PLCL2: variants seen among roughly 807,000 people sequenced by gnomAD.
PLCL2 encodes inactive phospholipase C-like protein 2.
PLCL2 carries 4 observed loss-of-function variants against 79.6 expected under a neutral mutation model. The observed-to-expected ratio is 0.05, with a 90% CI of 0.02 to 0.11. PLCL2 has a LOEUF of 0.11. Among genes scored for constraint, PLCL2 ranks in the 10% least tolerant of loss-of-function variants. The probability of loss-of-function intolerance (pLI) is 1.00; values close to 1 mark genes in which losing one functional copy is unlikely to be tolerated. For synonymous variants in PLCL2, 484 were observed against 457.7 expected, an observed-to-expected ratio of 1.06 and a Z score of -0.73; for missense variants, 895 against 1,291.0, an observed-to-expected ratio of 0.69 and a Z score of 4.70.
intron 1 of PLCL2, among the ~76,000 whole-genome samples, chr3:16,910,500 G>C (rs1249686740): frequency 6.6e-6 from 1 of 152,018 alleles, no homozygotes; most frequent in Non-Finnish European, 1.5e-5. Context: ...TCACGCATCA[G>C]TCTTTTCAGT....
chr3:17,044,941 T>C (rs1316712540), intron 4 of PLCL2, among the ~76,000 whole-genome samples: 1 of 152,202 alleles, frequency 6.6e-6, no homozygotes, highest in East Asian at 1.9e-4. Context: ...ATAACCACTG[T>C]GTAATGGTTC....
chr3:16,962,033 T>G (rs888294557), intron 1 of PLCL2, among the ~76,000 whole-genome samples: 2 of 152,024 alleles, frequency 1.3e-5, no homozygotes, highest in Non-Finnish European at 2.9e-5. Flanking sequence ...GAATGGCAGT[T>G]GAAAGATCCA....
rs2064739722 is a variant in PLCL2 at position 17,042,864 on chromosome 3, C to G, written c.3019-10C>G. On this transcript the variant is annotated splice_polypyrimidine_tract_variant and intron_variant, in intron 3 of 5. Transcript: ENST00000615277. ...AGGTGTAATCTCATGTCTGGATGTT[C>G]CCTTTGCAGATGATTCAGTCCCTCA... 5 of 1,596,628 alleles carry G rather than the reference C, an allele frequency of 3.1e-6. No individual in the cohort carries two copies. Among genetic ancestry groups the G allele is most frequent in the Non-Finnish European group, 4.3e-6 (5 of 1,164,546 alleles).
At chr3:16,969,840 T>C (rs1230632664) in intron 1 of PLCL2, among the ~76,000 whole-genome samples, 1 of 151,926 alleles carries the variant, frequency 6.6e-6, no homozygotes, top group Non-Finnish European at 1.5e-5. Flanking sequence ...GGTTGTTCAT[T>C]TGAGATCCTT....
At chr3:17,001,902 G>T (rs1459819783) in intron 1 of PLCL2, among the ~76,000 whole-genome samples, 1 of 151,824 alleles carries the variant, frequency 6.6e-6, no homozygotes, top group Non-Finnish European at 1.5e-5. Flanking sequence ...GAATGTCATT[G>T]ATAAGTATTG....
intron 1 of PLCL2, among the ~76,000 whole-genome samples, chr3:16,968,930 CT>C (rs1465969235): frequency 1.3e-5 from 2 of 151,930 alleles, no homozygotes; most frequent in Non-Finnish European, 2.9e-5. Context: ...CTTTCAAAGC[CT>C]AGTTTATGGA....
chr3:16,946,217 G>T (rs1310464065), intron 1 of PLCL2, among the ~76,000 whole-genome samples: 4 of 152,096 alleles, frequency 2.6e-5, no homozygotes, highest in Non-Finnish European at 5.9e-5. Context: ...TAAATAGCGG[G>T]AAATGAGAAG....
At chr3:16,976,658 C>T (rs534305894) in intron 1 of PLCL2, among the ~76,000 whole-genome samples, 3 of 152,324 alleles carry the variant, frequency 2.0e-5, no homozygotes, top group East Asian at 1.9e-4. Flanking sequence ...ATCACAACAA[C>T]GCCCATGGAA....
chr3:16,923,271 G>A (rs1697166049), intron 1 of PLCL2, among the ~76,000 whole-genome samples: 1 of 152,168 alleles, frequency 6.6e-6, no homozygotes, highest in African/African-American at 2.4e-5. Flanking sequence ...TGGAGGTGGG[G>A]GCAGGCAGCT....
At chr3:17,043,366 C>G (rs545499197) in intron 4 of PLCL2, among the ~76,000 whole-genome samples, 18 of 152,214 alleles carry the variant, frequency 1.2e-4, no homozygotes, top group African/African-American at 3.1e-4. Flanking sequence ...AGATGGATTC[C>G]AGTTACAACC....
At chr3:16,934,420 GAACACCAGC>G (rs1429515924) in intron 1 of PLCL2, among the ~76,000 whole-genome samples, 1 of 152,152 alleles carries the variant, frequency 6.6e-6, no homozygotes, top group Admixed American at 6.5e-5. Context: ...CTAGGAGAGG[GAACACCAGC>G]ATGCCCAGAG....
intron 1 of PLCL2, among the ~76,000 whole-genome samples, chr3:16,918,916 G>T (rs1697059440): frequency 6.6e-6 from 1 of 152,080 alleles, no homozygotes; most frequent in South Asian, 2.1e-4. Context: ...CTTTACACTT[G>T]ACAGCATGTA....
intron 5 of PLCL2, among the ~76,000 whole-genome samples, chr3:17,073,597 C>G (rs2065081868): frequency 6.6e-6 from 1 of 152,180 alleles, no homozygotes; most frequent in South Asian, 2.1e-4. Context: ...GCGTGCAATG[C>G]TGTTCAGTAG....
rs745837167 is a variant in PLCL2, at chr3:17,011,916, G to A, written c.2570G>A (p.Arg857His). 10 of 1,614,168 alleles carry A rather than the reference G, an allele frequency of 6.2e-6. No homozygotes were observed. Among genetic ancestry groups the A allele is most frequent in the East Asian group, 2.2e-5 (1 of 44,874 alleles). ...IPFECLQTGY[R>H]HVPLQSLTGE... is the part of the protein sequence containing the mutation. ...TTTGAATGTTTACAGACGGGCTACC[G>A]CCATGTCCCCCTGCAGTCCTTAACT... The change falls in exon 2 of 6, where the codon CGC becomes CAC. Residue 857 changes from arginine (R) to histidine (H), a missense_variant. This residue lies in a region of PLCL2 where 298 missense variants were observed against 459.6 expected (regional missense o/e 0.65). Coordinates refer to ENST00000615277, the MANE Select transcript of PLCL2 (RefSeq NM_001144382.2). This position sits in a 1 kb window ranked among gnomAD's most constrained non-coding sequence, Gnocchi z 7.9.
rs141007362 is a variant in PLCL2 at position 17,081,677 on chromosome 3, G to A, written c.3205-8056G>A. 4.4e-3 allele frequency: 677 copies of A among 155,452 alleles called. 2 individuals carry two copies. Among genetic ancestry groups the A allele is most frequent in the African/African-American group, 0.015 (641 of 41,558 alleles). 9.6% of individuals were successfully genotyped at this position (155,452 alleles called of 1,614,324 possible). On this transcript the variant is annotated intron_variant, in intron 5 of 5. Coordinates refer to ENST00000615277, the MANE Select transcript of PLCL2 (RefSeq NM_001144382.2). The stretch of plus-strand genomic sequence containing the variant: ...CGAGGGTTGAGCACAGCTGGGGTGC[G>A]GTTCTGGCATTTGGAGCTGCCATCA...
At chr3:16,934,864 A>C (rs1417981974) in intron 1 of PLCL2, among the ~76,000 whole-genome samples, 1 of 152,216 alleles carries the variant, frequency 6.6e-6, no homozygotes, top group Non-Finnish European at 1.5e-5. Context: ...ACTTTTAACA[A>C]AAAGATTATG....
chr3:17,006,265 G>C (rs1454763562), intron 1 of PLCL2, among the ~76,000 whole-genome samples: 1 of 152,230 alleles, frequency 6.6e-6, no homozygotes, highest in Non-Finnish European at 1.5e-5. Flanking sequence ...AAATGAGTAA[G>C]AGTGGGATAA....
Position 17,042,786 on chromosome 3 carries a change from CCTGTTTTAGG to C in PLCL2, c.3019-87_3019-78del. 3.4e-6 allele frequency: 3 copies of C among 873,700 alleles called. No individual in the cohort carries two copies. The South Asian group carries it at 4.2e-5, about 12-fold the overall frequency. The allele number at this position is 873,700 out of a possible 1,614,324, so 54.1% of individuals were successfully genotyped here. A position where few individuals can be genotyped will look rare whatever the true frequency, so the allele number is the denominator to read the frequency against. On this transcript the variant is annotated intron_variant, in intron 3 of 5. Transcript: ENST00000615277. ...AAAGCGTTTAATATCATCACATCAG[CCTGTTTTAGG>C]AGAAGAGCCTTGTGCATGAATGCAG...
At chr3:17,030,405 TGTG>T (rs1204350329) in intron 3 of PLCL2, among the ~76,000 whole-genome samples, 1 of 152,228 alleles carries the variant, frequency 6.6e-6, no homozygotes, top group East Asian at 1.9e-4. Flanking sequence ...TGAAGACCTT[TGTG>T]TGAGTTTATT....
Sources: allele counts gnomAD v4.1 joint callset (sites outside exome capture counted in the v4.1 genomes callset), GRCh38; gene constraint gnomAD v4.1.1; regional missense constraint gnomAD v4.1.1; non-coding constraint Gnocchi (gnomAD v3.1); transcripts MANE v1.5; gene names NCBI Gene and HGNC (gene_info 2026-07-23, HGNC 2026-07-21).